PTPRK: variants seen among roughly 807,000 people sequenced by gnomAD.
The protein encoded by PTPRK is protein tyrosine phosphatase receptor type K.
In PTPRK, 75 loss-of-function variants were observed where a neutral mutation model predicts 178.0. That is an observed-to-expected ratio of 0.42 (90% CI 0.35 to 0.51). PTPRK has a LOEUF of 0.51. PTPRK is among the 20% of genes least tolerant of loss of function. PTPRK has a pLI of 0.02. For synonymous variants in PTPRK, 637 were observed against 620.6 expected, an observed-to-expected ratio of 1.03 and a Z score of -0.39; for missense variants, 1,441 against 1,797.8, an observed-to-expected ratio of 0.80 and a Z score of 3.59.
chr6:128,495,389 A>T (rs1198801488), intron 1 of PTPRK, among the ~76,000 whole-genome samples: 1 of 152,218 alleles, frequency 6.6e-6, no homozygotes, highest in Admixed American at 6.5e-5. Context: ...CTAAAAAAGG[A>T]ATTATGTGAA....
At chr6:128,356,862 C>A (rs1470593250) in intron 2 of PTPRK, among the ~76,000 whole-genome samples, 1 of 152,166 alleles carries the variant, frequency 6.6e-6, no homozygotes, top group African/African-American at 2.4e-5. Flanking sequence ...AAATTGTAAG[C>A]CATACCCCTG....
Position 128,226,761 on chromosome 6 carries a change from CATATATATATATATATATAT to C in PTPRK, c.694-7685_694-7666del, listed in dbSNP as rs71028117. 2.9e-4 allele frequency among the ~76,000 whole-genome samples: 32 copies of C among 109,546 alleles called. 1 individual carries two copies. The highest frequency in any genetic ancestry group is 4.1e-4 in the Non-Finnish European group (22 of 54,108). The allele number at this position is 109,546 out of a possible 152,430, so 71.9% of individuals were successfully genotyped here. ...ATATGTAATCTTATAATTATATAGACATATATATATATATATATATATATATATATATATATATTTCAATA... is the reference window on the plus strand; with the variant it reads ...ATATGTAATCTTATAATTATATAGACATATATATATATATATATTTCAATA... On this transcript the variant is annotated intron_variant, in intron 5 of 29. Transcript: ENST00000368226.
chr6:128,282,041 G>A (rs1821760343), intron 3 of PTPRK, among the ~76,000 whole-genome samples: 1 of 152,112 alleles, frequency 6.6e-6, no homozygotes, highest in African/African-American at 2.4e-5. Flanking sequence ...TGATTCTCTA[G>A]CTTTTCTTTT....
At chr6:128,393,260 T>C (rs961622311) in intron 2 of PTPRK, among the ~76,000 whole-genome samples, 1 of 152,046 alleles carries the variant, frequency 6.6e-6, no homozygotes, top group Non-Finnish European at 1.5e-5. Context: ...CTGACTAATT[T>C]TTCTATTTTT....
chr6:127,970,772 T>C (rs955773963), intron 29 of PTPRK, among the ~76,000 whole-genome samples: 2 of 152,112 alleles, frequency 1.3e-5, no homozygotes, highest in African/African-American at 4.8e-5. Context: ...TAATTTTAAA[T>C]GTAACTTTTA....
chr6:128,321,007 C>T (rs1014534939), intron 3 of PTPRK: 2 of 152,088 alleles, frequency 1.3e-5, no homozygotes, highest in African/African-American at 4.8e-5. Flanking sequence ...ATGTAGGAGG[C>T]TTTTAATAAA....
At chr6:128,329,720 T>G (rs1306494137) in intron 2 of PTPRK, among the ~76,000 whole-genome samples, 1 of 151,716 alleles carries the variant, frequency 6.6e-6, no homozygotes, top group Non-Finnish European at 1.5e-5. Flanking sequence ...CCACCCACAG[T>G]GGGAGGGCTA....
chr6:128,323,683 A>G (rs921019857), intron 2 of PTPRK, among the ~76,000 whole-genome samples: 2 of 152,170 alleles, frequency 1.3e-5, no homozygotes, highest in African/African-American at 4.8e-5. Context: ...ACTGAGTGGT[A>G]GGTAGCCTCT....
intron 21 of PTPRK, 118 bp downstream of exon 21, chr6:127,990,651 G>A (rs751078827): frequency 9.0e-6 from 6 of 663,700 alleles, no homozygotes; most frequent in Non-Finnish European, 1.6e-5. Flanking sequence ...AAACATTTGT[G>A]GAATGAATAC....
At chr6:128,249,742 T>A (rs1016901964) in intron 3 of PTPRK, among the ~76,000 whole-genome samples, 6 of 152,198 alleles carry the variant, frequency 3.9e-5, no homozygotes, top group African/African-American at 1.4e-4. Context: ...AGAGAGCAAC[T>A]CTAAATTATG....
chr6:127,972,497 G>T lies in PTPRK; in HGVS notation c.4269+525C>A, dbSNP rs549018336. Among the ~76,000 whole-genome samples the T allele has an allele frequency of 2.6e-5, 4 of 152,170 alleles. No homozygotes were observed. The South Asian group carries it at 8.3e-4, about 32-fold the overall frequency. ...GCTATGTTCTGACTTTACGAGCCTT[G>T]ACAAGCTCAAGTAGCATGATATGAA... On this transcript the variant is annotated intron_variant, in intron 29 of 29. Transcript: ENST00000368226.
At chr6:128,439,595 G>A (rs1264042044) in intron 1 of PTPRK, among the ~76,000 whole-genome samples, 1 of 152,152 alleles carries the variant, frequency 6.6e-6, no homozygotes, top group Non-Finnish European at 1.5e-5. Flanking sequence ...CACAAAAACA[G>A]TCCAAACACC....
chr6:128,013,205 C>G (rs1779236167), intron 13 of PTPRK, among the ~76,000 whole-genome samples: 1 of 151,330 alleles, frequency 6.6e-6, no homozygotes, highest in Non-Finnish European at 1.5e-5. Context: ...GGACTCTGGT[C>G]TCTCCTTTCC....
chr6:128,432,377 T>C (rs1045929503), intron 1 of PTPRK, among the ~76,000 whole-genome samples: 5 of 152,206 alleles, frequency 3.3e-5, no homozygotes, highest in Non-Finnish European at 7.4e-5. Flanking sequence ...AGTGTAATAA[T>C]AGAGAGAAGT....
At chr6:128,094,366 G>A (rs1432958132) in intron 7 of PTPRK, among the ~76,000 whole-genome samples, 1 of 152,188 alleles carries the variant, frequency 6.6e-6, no homozygotes, top group Non-Finnish European at 1.5e-5. Context: ...TTAGGGCTAA[G>A]TAAGGAGGGG....
At chr6:128,452,226 T>C (rs886506627) in intron 1 of PTPRK, among the ~76,000 whole-genome samples, 6 of 152,148 alleles carry the variant, frequency 3.9e-5, no homozygotes, top group African/African-American at 1.4e-4. Flanking sequence ...CCCCTTTCAC[T>C]TTCTCTGTAT....
intron 7 of PTPRK, among the ~76,000 whole-genome samples, chr6:128,148,448 T>C (rs888926072): frequency 2.6e-5 from 4 of 152,164 alleles, no homozygotes; most frequent in African/African-American, 9.7e-5. Flanking sequence ...CCTCAAAGAA[T>C]GTCTACTACA....
chr6:127,995,527 T>C lies in PTPRK; in HGVS notation c.2779A>G (p.Arg927Gly), dbSNP rs1387930956. The stretch of plus-strand genomic sequence containing the variant: ...TCCTCTACGGGTTGCAAAATCACTC[T>C]GGAGTGATCATCTAAAATTTTAAAA... Reference protein sequence around the residue: ...YGNIIAYDHSRVILQPVEDDP... With the variant: ...YGNIIAYDHSGVILQPVEDDP... Residue 927 changes from arginine to glycine, a missense_variant, in exon 18 of 30, where the codon AGA becomes GGA. Around this residue, in one of 4 missense-constraint regions of PTPRK, gnomAD observed 945 missense variants for 1,080.6 expected, o/e 0.87. Transcript: ENST00000368226. The C allele has an allele frequency of 6.4e-7, 1 of 1,574,264 alleles. No individual in the cohort carries two copies. Among genetic ancestry groups the C allele is most frequent in the South Asian group, 1.2e-5 (1 of 85,926 alleles).
chr6:128,449,259 C>G (rs113775469), intron 1 of PTPRK, among the ~76,000 whole-genome samples: 1 of 152,278 alleles, frequency 6.6e-6, no homozygotes, highest in Admixed American at 6.5e-5. Flanking sequence ...AAATCTCATA[C>G]TTACACCATT....
Sources: gnomAD v4.1 joint callset for allele counts (sites outside exome capture counted in the v4.1 genomes callset) on GRCh38, gnomAD v4.1.1 for gene constraint, gnomAD v4.1.1 regional missense constraint, MANE v1.5 for transcripts, NCBI Gene and HGNC (gene_info 2026-07-23, HGNC 2026-07-21) for gene names.